TUSC3: variants seen among roughly 807,000 people sequenced by gnomAD.
TUSC3 encodes the protein dolichyl-diphosphooligosaccharide--protein glycosyltransferase subunit TUSC3.
In TUSC3, 45 loss-of-function variants were observed where a neutral mutation model predicts 44.8. The ratio of observed to expected loss-of-function variants is 1.00; its 90% CI spans 0.79 to 1.29. The LOEUF (loss-of-function observed/expected upper bound fraction) is 1.29. Ranked by LOEUF, TUSC3 falls within the 50% of genes most tolerant of loss-of-function variation. The pLI, the probability that TUSC3 is intolerant of heterozygous loss-of-function variation, is 0.00. For missense variants in TUSC3, 519 were observed against 437.9 expected, an observed-to-expected ratio of 1.19 and a Z score of -1.65; for synonymous variants, 212 against 152.9, an observed-to-expected ratio of 1.39 and a Z score of -2.85.
intron 6 of TUSC3, among the ~76,000 whole-genome samples, chr8:15,679,461 T>G (rs1399178399): frequency 6.6e-6 from 1 of 152,032 alleles, no homozygotes; most frequent in African/African-American, 2.4e-5. Context: ...ATTTTTTGCT[T>G]AAGTTTTTTA....
chr8:15,547,766 C>T lies in TUSC3; in HGVS notation c.138+7198C>T, dbSNP rs562841734. On this transcript the variant is annotated intron_variant, in intron 1 of 10. Coordinates refer to ENST00000503731, the MANE Select transcript of TUSC3 (RefSeq NM_006765.4). Reference sequence around the variant, plus strand: ...GGACCCCAGAGAGCTCTCTGGTCCTCGTTCTCCCAAGTGAGGAAGTGCCCT... The same window carrying T: ...GGACCCCAGAGAGCTCTCTGGTCCTTGTTCTCCCAAGTGAGGAAGTGCCCT... 2.6e-5 allele frequency among the ~76,000 whole-genome samples: 4 copies of T among 151,430 alleles called. No homozygotes were observed. The East Asian group carries it at 7.9e-4, about 30-fold the overall frequency.
intron 2 of TUSC3, among the ~76,000 whole-genome samples, chr8:15,530,273 A>T (rs73665432): frequency 0.055 from 8,305 of 152,086 alleles, 265 homozygotes; most frequent in African/African-American, 0.095. Context: ...ATTTTCTCAG[A>T]TGAGGACTTT....
chr8:15,791,087 T>C, the TUSC3 span, among the ~76,000 whole-genome samples: 2 of 152,218 alleles, frequency 1.3e-5, no homozygotes, highest in African/African-American at 4.8e-5. Context: ...ATGGAGAGAA[T>C]AGAGATTTTA....
the TUSC3 span, among the ~76,000 whole-genome samples, chr8:15,781,370 G>C: frequency 2.6e-5 from 4 of 151,998 alleles, no homozygotes; most frequent in Admixed American, 6.6e-5. Flanking sequence ...TAATCTTCTG[G>C]GGCCCACGTA....
intron 2 of TUSC3, among the ~76,000 whole-genome samples, chr8:15,521,986 C>G (rs1421292459): frequency 1.3e-5 from 2 of 152,224 alleles, no homozygotes; most frequent in Admixed American, 6.5e-5. Flanking sequence ...CTAGGTAACT[C>G]AAACTACTGG....
At chr8:15,571,946 A>T (rs908464205) in intron 1 of TUSC3, among the ~76,000 whole-genome samples, 3 of 152,126 alleles carry the variant, frequency 2.0e-5, no homozygotes, top group Non-Finnish European at 4.4e-5. Context: ...GCTGTTTTTC[A>T]TCCAGGCTTT....
At chr8:15,705,516 A>G (rs988719349) in intron 6 of TUSC3, among the ~76,000 whole-genome samples, 1 of 152,104 alleles carries the variant, frequency 6.6e-6, no homozygotes, top group African/African-American at 2.4e-5. Context: ...TCTTGTATAT[A>G]ACCAATTTTG....
chr8:15,474,192 C>A (rs965474736), intron 1 of TUSC3, among the ~76,000 whole-genome samples: 4 of 152,102 alleles, frequency 2.6e-5, no homozygotes, highest in Admixed American at 6.5e-5. Flanking sequence ...GGCAGTCAGA[C>A]CTTATGGTTG....
At chr8:15,720,201 TACACACAC>T (rs60082069) in intron 6 of TUSC3, among the ~76,000 whole-genome samples, 8 of 141,612 alleles carry the variant, frequency 5.6e-5, no homozygotes, top group Non-Finnish European at 1.1e-4. Flanking sequence ...TATATATATA[TACACACAC>T]ACACACACAC....
At chr8:15,796,076 G>T in the TUSC3 span, among the ~76,000 whole-genome samples, 1 of 152,188 alleles carries the variant, frequency 6.6e-6, no homozygotes, top group Non-Finnish European at 1.5e-5. Flanking sequence ...TCAGCTTCTG[G>T]CAGGAGTCCC....
rs144341313 is a variant in TUSC3, at chr8:15,734,228, T to A, written c.862+3499T>A. Among the ~76,000 whole-genome samples, 320 of 152,336 alleles carry A rather than the reference T, an allele frequency of 2.1e-3. 1 individual carries two copies. The highest frequency in any genetic ancestry group is 4.8e-3 in the Admixed American group (73 of 15,302). On this transcript the variant is annotated intron_variant, in intron 7 of 10. Coordinates refer to ENST00000503731, the MANE Select transcript of TUSC3 (RefSeq NM_006765.4). ...AGAGAACATTTCTATCTTTTGGATTTCTTGTCCCAATTTAGTAAGTCAGAT... is the reference window on the plus strand; with the variant it reads ...AGAGAACATTTCTATCTTTTGGATTACTTGTCCCAATTTAGTAAGTCAGAT...
intron 2 of TUSC3, among the ~76,000 whole-genome samples, chr8:15,496,819 A>G (rs1411124375): frequency 1.3e-5 from 2 of 152,186 alleles, no homozygotes; most frequent in African/African-American, 4.8e-5. Context: ...GATACATCAC[A>G]CCAACTAATT....
At chr8:15,556,272 T>C (rs909520061) in intron 1 of TUSC3, among the ~76,000 whole-genome samples, 2 of 143,484 alleles carry the variant, frequency 1.4e-5, no homozygotes, top group African/African-American at 5.1e-5. Context: ...TTTTTTGTTC[T>C]TGAGATAGTT....
intron 1 of TUSC3, among the ~76,000 whole-genome samples, chr8:15,471,457 G>T (rs2129123055): frequency 6.6e-6 from 1 of 152,248 alleles, no homozygotes; most frequent in African/African-American, 2.4e-5. Context: ...GTTCTTGGAA[G>T]AAGTAAATAT....
At chr8:15,593,532 G>C (rs912449066) in intron 1 of TUSC3, among the ~76,000 whole-genome samples, 1 of 152,052 alleles carries the variant, frequency 6.6e-6, no homozygotes, top group East Asian at 1.9e-4. Context: ...TCTACATTCT[G>C]AGTTCATTGT....
chr8:15,424,770 C>G (rs1347957188), intron 1 of TUSC3, among the ~76,000 whole-genome samples: 1 of 151,908 alleles, frequency 6.6e-6, no homozygotes, highest in Non-Finnish European at 1.5e-5. Flanking sequence ...GGCCCGGCTA[C>G]TTGGGAGGCT....
intron 1 of TUSC3, among the ~76,000 whole-genome samples, chr8:15,604,198 G>A (rs986304873): frequency 6.6e-6 from 1 of 151,544 alleles, no homozygotes; most frequent in African/African-American, 2.4e-5. Context: ...TTATTGTATG[G>A]TTTTTGATTT....
At chr8:15,689,328 T>G (rs1447474703) in intron 6 of TUSC3, 2 of 279,290 alleles carry the variant, frequency 7.2e-6, no homozygotes, top group Admixed American at 8.4e-5. Context: ...CCATCATCAC[T>G]CCGTCAACAG....
chr8:15,718,293 G>A (rs970467125), intron 6 of TUSC3, among the ~76,000 whole-genome samples: 9 of 152,102 alleles, frequency 5.9e-5, no homozygotes, highest in African/African-American at 1.2e-4. Flanking sequence ...GGAAATGCCC[G>A]TTGGCTTTGT....
Sources: allele counts gnomAD v4.1 joint callset (sites outside exome capture counted in the v4.1 genomes callset), GRCh38; gene constraint gnomAD v4.1.1; transcripts MANE v1.5; gene names NCBI Gene and HGNC (gene_info 2026-07-23, HGNC 2026-07-21).